WDR59: variants seen among roughly 807,000 people sequenced by gnomAD.
WDR59 encodes WD repeat domain 59.
In WDR59, 100 loss-of-function variants were observed where a neutral mutation model predicts 131.2. The observed-to-expected ratio is 0.76, with a 90% confidence interval of 0.65 to 0.90. The LOEUF (loss-of-function observed/expected upper bound fraction) is 0.90. Among genes scored for constraint, WDR59 ranks in the 40% least tolerant of loss-of-function variants. WDR59 has a pLI of 0.00. For synonymous variants in WDR59, 601 were observed against 466.2 expected (o/e 1.29, Z -3.72); for missense variants, 1,203 against 1,262.2 (o/e 0.95, Z 0.71).
At chr16:74,953,503 C>G (rs1252274714) in intron 3 of WDR59, among the ~76,000 whole-genome samples, 1 of 149,604 alleles carries the variant, frequency 6.7e-6, no homozygotes, top group Non-Finnish European at 1.5e-5. Context: ...GCCTTCCAAC[C>G]AAGAACAAAA....
chr16:74,941,284 T>C (rs1597759557), intron 7 of WDR59, among the ~76,000 whole-genome samples: 1 of 146,482 alleles, frequency 6.8e-6, no homozygotes, highest in Non-Finnish European at 1.5e-5. Context: ...GAGGCTGCAG[T>C]GAGCCATAGT....
intron 13 of WDR59, among the ~76,000 whole-genome samples, chr16:74,913,969 G>A (rs751009455): frequency 3.3e-5 from 5 of 152,204 alleles, no homozygotes; most frequent in Non-Finnish European, 5.9e-5. Context: ...CACTTTGGGA[G>A]GCCAAGGTGG....
At chr16:74,981,022 G>C (rs1567449927) in intron 1 of WDR59, among the ~76,000 whole-genome samples, 1 of 149,304 alleles carries the variant, frequency 6.7e-6, no homozygotes, top group East Asian at 2.1e-4. Flanking sequence ...CAGCTCAGGA[G>C]TTCAAGACCA....
chr16:74,943,322 T>C (rs886122016), intron 6 of WDR59, among the ~76,000 whole-genome samples: 5 of 151,808 alleles, frequency 3.3e-5, no homozygotes, highest in Admixed American at 6.6e-5. Flanking sequence ...TAAGCCCCGA[T>C]GTTGACCAAT....
chr16:74,873,090 A>C lies in WDR59; in HGVS notation c.*1119T>G, dbSNP rs2144732902. 1 of 151,346 alleles carries C rather than the reference A, an allele frequency of 6.6e-6. No individual in the cohort carries two copies. The highest frequency in any genetic ancestry group is 2.0e-4 in the East Asian group (1 of 5,116). 9.4% of individuals were successfully genotyped at this position (151,346 alleles called of 1,614,324 possible). On this transcript the variant is annotated 3_prime_UTR_variant, in exon 26 of 26. Coordinates refer to ENST00000262144, the MANE Select transcript of WDR59 (RefSeq NM_030581.4). ...ATGCCCGGCTAATTTTTCTATTTTT[A>C]GTAGAGATGGGGTTTCACCATGTTG...
rs77148210 is a variant in WDR59, at chr16:74,959,593, C to G, written c.105-2983G>C. On this transcript the variant is annotated intron_variant, in intron 2 of 25. Transcript: ENST00000262144. ...CCTGGGCAACCTGGCAAGACCTTAT[C>G]TGCATAAAGAAAAAAAAATTATAAT... The G allele has an allele frequency of 3.9e-3, 1,709 of 434,270 alleles. 34 individuals are homozygous for G. The highest frequency in any genetic ancestry group is 0.033 in the African/African-American group (1,617 of 48,668). The allele number at this position is 434,270 out of a possible 1,614,324, so 26.9% of individuals were successfully genotyped here.
intron 10 of WDR59, among the ~76,000 whole-genome samples, chr16:74,918,478 G>A (rs1257617134): frequency 8.5e-5 from 13 of 152,204 alleles, no homozygotes; most frequent in Middle Eastern, 3.4e-3. Flanking sequence ...TTTGCAAAAC[G>A]GGTTATTTCA....
At chr16:74,944,860 G>A (rs140412759) in intron 6 of WDR59, among the ~76,000 whole-genome samples, 4,181 of 152,242 alleles carry the variant, frequency 0.027, 84 homozygotes, top group Middle Eastern at 0.061. Flanking sequence ...TCAGCTGGGC[G>A]CAGAGGCTCA....
intron 13 of WDR59, 108 bp from the exon 14 acceptor site, chr16:74,912,470 A>C: frequency 8.6e-7 from 1 of 1,165,550 alleles, no homozygotes; most frequent in South Asian, 1.7e-5. Flanking sequence ...AATGAAGGGA[A>C]AGAGTCTACA....
chr16:74,983,046 A>G (rs2145274046), intron 1 of WDR59, among the ~76,000 whole-genome samples: 1 of 152,332 alleles, frequency 6.6e-6, no homozygotes, highest in Admixed American at 6.5e-5. Context: ...TATTAGTTGA[A>G]TAAATGAAAA....
intron 14 of WDR59, among the ~76,000 whole-genome samples, chr16:74,911,513 T>A (rs559108448): frequency 2.3e-4 from 35 of 152,256 alleles, no homozygotes; most frequent in African/African-American, 7.9e-4. Flanking sequence ...AAGAGGCTCA[T>A]GGGGCTTTGT....
rs774264987 is a variant in WDR59 at position 74,888,189 on chromosome 16, C to G, written c.2326G>C (p.Val776Leu). The change falls in exon 22 of 26, where the codon GTG (valine) becomes CTG (leucine). Residue 776 changes from valine to leucine, a missense_variant. Val to Leu is a conservative substitution (Grantham distance 32). Coordinates refer to ENST00000262144, the MANE Select transcript of WDR59 (RefSeq NM_030581.4). ...GPFPNRSSNL[V>L]VSHSRYPSFT... The stretch of plus-strand genomic sequence containing the variant: ...CTTACATATCGACTATGGGACACCA[C>G]AAGATTAGAAGAACGGTTAGGAAAA... The G allele has an allele frequency of 2.5e-6, 4 of 1,609,818 alleles. No individual in the cohort carries two copies. Among genetic ancestry groups the G allele is most frequent in the Non-Finnish European group, 3.4e-6 (4 of 1,178,980 alleles).
At chr16:74,954,636 C>G (rs1355424403) in intron 3 of WDR59, among the ~76,000 whole-genome samples, 1 of 152,142 alleles carries the variant, frequency 6.6e-6, no homozygotes, top group Non-Finnish European at 1.5e-5. Context: ...CCCTGCAATT[C>G]CACTCTTAGA....
intron 1 of WDR59, among the ~76,000 whole-genome samples, chr16:74,976,541 G>A (rs1018334907): frequency 1.3e-5 from 2 of 151,110 alleles, no homozygotes; most frequent in African/African-American, 2.4e-5. Context: ...TTTTGGGTTC[G>A]AGCGATTCTC....
intron 8 of WDR59, among the ~76,000 whole-genome samples, chr16:74,928,817 A>G (rs1216939958): frequency 1.3e-5 from 2 of 152,054 alleles, no homozygotes; most frequent in Non-Finnish European, 2.9e-5. Context: ...GCTGAGGCAC[A>G]AGAATCGCTT....
rs530694456 is a variant in WDR59 at position 74,978,136 on chromosome 16, G to A, written c.54+6828C>T. ...TTTGGGAGGCCAAGGTGGGTGGATC[G>A]TGAGGTCAGGAGTTCAAGACCAGCC... On this transcript the variant is annotated intron_variant, in intron 1 of 25. Transcript: ENST00000262144. Among the ~76,000 whole-genome samples, 23 of 152,112 alleles carry A rather than the reference G, an allele frequency of 1.5e-4. No individual in the cohort carries two copies. The East Asian group carries it at 3.1e-3, about 21-fold the overall frequency.
intron 2 of WDR59, among the ~76,000 whole-genome samples, chr16:74,959,864 A>G (rs1324294756): frequency 6.6e-6 from 1 of 151,478 alleles, no homozygotes; most frequent in Admixed American, 6.6e-5. Context: ...AGAAGAAAAG[A>G]AGAAATTCAA....
At chr16:74,922,857 A>G (rs1341977085) in intron 9 of WDR59, among the ~76,000 whole-genome samples, 1 of 152,226 alleles carries the variant, frequency 6.6e-6, no homozygotes, top group Admixed American at 6.5e-5. Flanking sequence ...GATCCCAGGT[A>G]CAAAACCAAC....
At chr16:74,892,691 T>A in intron 19 of WDR59, 126 bp from the exon 20 acceptor site, 1 of 800,220 alleles carries the variant, frequency 1.2e-6, no homozygotes, top group Admixed American at 2.5e-5. Flanking sequence ...TTATTCCGCG[T>A]TGGCCTTGGG....
Sources: allele counts gnomAD v4.1 joint callset (sites outside exome capture counted in the v4.1 genomes callset), GRCh38; gene constraint gnomAD v4.1.1; transcripts MANE v1.5; gene names NCBI Gene and HGNC (gene_info 2026-07-23, HGNC 2026-07-21).